The following PLOD1 variants were observed in gnomAD, a reference collection of about 807,000 sequenced individuals.
PLOD1 encodes the protein procollagen-lysine,2-oxoglutarate 5-dioxygenase 1.
In PLOD1, 70 loss-of-function variants were observed where a neutral mutation model predicts 94.7. The ratio of observed to expected loss-of-function variants is 0.74; its 90% CI spans 0.61 to 0.90. The LOEUF is 0.90. Among genes scored for constraint, PLOD1 ranks in the 40% least tolerant of loss-of-function variants. The pLI is 0.00. For missense variants in PLOD1, 905 were observed against 972.7 expected, an observed-to-expected ratio of 0.93 and a Z score of 0.93; for synonymous variants, 417 against 400.2, an observed-to-expected ratio of 1.04 and a Z score of -0.50.
chr1:11,967,552 A>C (rs1645827248), intron 16 of PLOD1, among the ~76,000 whole-genome samples: 1 of 122,086 alleles, frequency 8.2e-6, no homozygotes, highest in Non-Finnish European at 1.7e-5. Flanking sequence ...CTGTCCTGGA[A>C]AGTTCAGGTA....
At chr1:11,943,399 C>A (rs1964840) in intron 1 of PLOD1, among the ~76,000 whole-genome samples, 25 of 151,794 alleles carry the variant, frequency 1.6e-4, no homozygotes, top group African/African-American at 5.8e-4. Flanking sequence ...CGGGTTCAAG[C>A]GATTCTCTTG....
chr1:11,950,816 C>T (rs757962062), intron 4 of PLOD1, among the ~76,000 whole-genome samples: 2 of 152,068 alleles, frequency 1.3e-5, no homozygotes, highest in African/African-American at 2.4e-5. Flanking sequence ...AATTTTGAGA[C>T]GGCATCTCAG....
rs1243703070 is a variant in PLOD1, at chr1:11,957,097, CT to C, written c.741+84del. 1 of 960,574 alleles carries C rather than the reference CT, an allele frequency of 1.0e-6. No homozygotes were observed. Among genetic ancestry groups the C allele is most frequent in the Non-Finnish European group, 1.7e-6 (1 of 583,786 alleles). The allele number at this position is 960,574 out of a possible 1,614,324, so 59.5% of individuals were successfully genotyped here. A position where few individuals can be genotyped will look rare whatever the true frequency, so the allele number is the denominator to read the frequency against. ...CTCACTGTGACCCCACAGTGTCTCC[CT>C]GGGGCCAGGGCCACCTTCCTGGGGC... On this transcript the variant is annotated intron_variant, in intron 7 of 18. Transcript: ENST00000196061. The surrounding 1 kb of genome is among the most constrained non-coding windows in gnomAD (Gnocchi z 4.1).
intron 1 of PLOD1, among the ~76,000 whole-genome samples, chr1:11,940,232 A>G (rs2100734554): frequency 6.6e-6 from 1 of 152,264 alleles, no homozygotes. Context: ...TTTGTTGCAC[A>G]GGTTGGTCTT....
chr1:11,971,210 G>A (rs1427181438), intron 17 of PLOD1, among the ~76,000 whole-genome samples: 1 of 116,328 alleles, frequency 8.6e-6, no homozygotes, highest in African/African-American at 3.4e-5. Flanking sequence ...TGGGGTGGGA[G>A]GGGTAGGGTG....
chr1:11,974,313 G>T (rs1645887013), intron 18 of PLOD1, among the ~76,000 whole-genome samples: 1 of 152,058 alleles, frequency 6.6e-6, no homozygotes, highest in Admixed American at 6.6e-5. Flanking sequence ...TTCCCGAATA[G>T]CTGGGATTAC....
chr1:11,949,686 C>G, intron 2 of PLOD1, 87 bp from the exon 3 acceptor site: 2 of 1,420,898 alleles, frequency 1.4e-6, no homozygotes, highest in Non-Finnish European at 2.0e-6. Flanking sequence ...TCCCAAAGTG[C>G]TGGGATTACC....
rs367592901 is a variant in PLOD1, at chr1:11,960,766, G to A, written c.1096G>A (p.Ala366Thr). The A allele has an allele frequency of 2.2e-5, 36 of 1,612,770 alleles. 1 individual carries two copies. The highest frequency in any genetic ancestry group is 3.6e-4 in the Middle Eastern group (2 of 5,576). Residue 366 changes from alanine (A) to threonine (T), a missense_variant and splice_region_variant, in exon 10 of 19, where the codon GCA becomes ACA. By Grantham distance (58) the Ala-to-Thr change is moderately conservative (BLOSUM62 0). Transcript: ENST00000196061. ...GAATGCAGATGCCAGGAACATGGGC[G>A]CGTGAGTTGTGGGCCACAGTACTCT... ...MANADARNMGADLCRQDRSCT... is the reference protein window; with the variant it reads ...MANADARNMGTDLCRQDRSCT...
chr1:11,957,234 G>T lies in PLOD1; in HGVS notation c.741+220G>T, dbSNP rs369079498. ...TCTGTTCTTGCTGGTCACAGGACAC[G>T]TAGGAGGCTGCCATCCCCTTCCAGG... On this transcript the variant is annotated intron_variant, in intron 7 of 18. Coordinates refer to ENST00000196061, the MANE Select transcript of PLOD1 (RefSeq NM_000302.4). The surrounding 1 kb of genome is among the most constrained non-coding windows in gnomAD (Gnocchi z 4.1). The T allele has an allele frequency of 1.5e-5, 11 of 735,678 alleles. No homozygotes were observed. Among genetic ancestry groups the T allele is most frequent in the South Asian group, 5.4e-5 (4 of 73,404 alleles). 45.6% of individuals were successfully genotyped at this position (735,678 alleles called of 1,614,324 possible).
At chr1:11,956,701 G>C (rs1424906951) in intron 6 of PLOD1, among the ~76,000 whole-genome samples, 1 of 152,098 alleles carries the variant, frequency 6.6e-6, no homozygotes, top group Non-Finnish European at 1.5e-5. Flanking sequence ...GCCAGGCTTG[G>C]TGCCCCACGC....
At chr1:11,960,095 C>G in intron 9 of PLOD1, among the ~76,000 whole-genome samples, 1 of 151,970 alleles carries the variant, frequency 6.6e-6, no homozygotes, top group South Asian at 2.1e-4. Flanking sequence ...CAGCCTCCTC[C>G]CGAGTACCTG....
At chr1:11,952,052 T>C (rs1023423116) in intron 4 of PLOD1, among the ~76,000 whole-genome samples, 3 of 152,218 alleles carry the variant, frequency 2.0e-5, no homozygotes, top group Non-Finnish European at 2.9e-5. Flanking sequence ...ACAGACACTT[T>C]TTTCCACTGG....
chr1:11,944,472 CGCTG>C (rs1351584739), intron 1 of PLOD1: 2 of 1,274,192 alleles, frequency 1.6e-6, no homozygotes, highest in African/African-American at 3.1e-5. Context: ...CATGCTCTCA[CGCTG>C]GCTTTTTCCA....
At chr1:11,937,023 T>G (rs890089927) in intron 1 of PLOD1, among the ~76,000 whole-genome samples, 1 of 151,850 alleles carries the variant, frequency 6.6e-6, no homozygotes, top group Non-Finnish European at 1.5e-5. Context: ...AATGTTTGTA[T>G]TTTTAGTAGA....
intron 6 of PLOD1, 68 bp downstream of exon 6, chr1:11,954,961 G>C (rs775042399): frequency 1.6e-6 from 2 of 1,232,522 alleles, no homozygotes; most frequent in East Asian, 4.6e-5. Flanking sequence ...GGCAGGGCCC[G>C]AGCCCAGGGA....
At position 11,950,496 on chromosome 1, in the gene PLOD1, G is replaced by A. The variant is rs1213644941; in HGVS notation, c.442G>A (p.Gly148Ser). The A allele has an allele frequency of 6.2e-7, 1 of 1,614,114 alleles. No homozygotes were observed. The change falls in exon 4 of 19, where the codon GGC becomes AGC. Residue 148 changes from glycine (G) to serine (S), a missense_variant. By Grantham distance (56) the Gly-to-Ser change is moderately conservative. Coordinates refer to ENST00000196061, the MANE Select transcript of PLOD1 (RefSeq NM_000302.4). ...LETKYPVVSDGKRFLGSGGFI... is the reference protein window; with the variant it reads ...LETKYPVVSDSKRFLGSGGFI... ...GACCAAGTATCCGGTGGTGTCCGAT[G>A]GCAAGAGGTTCCTGGGCTCTGGAGG...
intron 15 of PLOD1, among the ~76,000 whole-genome samples, chr1:11,966,632 C>T (rs1234905676): frequency 6.6e-6 from 1 of 152,124 alleles, no homozygotes; most frequent in Admixed American, 6.5e-5. Flanking sequence ...AGGAGGAAAA[C>T]ATCCTGGATG....
Position 11,950,505 on chromosome 1 carries a change from T to A in PLOD1, c.451T>A (p.Phe151Ile), listed in dbSNP as rs372628401. The change falls in exon 4 of 19, where the codon TTC becomes ATC. Residue 151 changes from phenylalanine to isoleucine, a missense_variant. Phe to Ile is a conservative substitution (Grantham distance 21, BLOSUM62 0). Transcript: ENST00000196061. ...KYPVVSDGKRFLGSGGFIGYA... is the reference protein window; with the variant it reads ...KYPVVSDGKRILGSGGFIGYA... ...TCCGGTGGTGTCCGATGGCAAGAGGTTCCTGGGCTCTGGAGGTGAGAGGCC... is the reference window on the plus strand; with the variant it reads ...TCCGGTGGTGTCCGATGGCAAGAGGATCCTGGGCTCTGGAGGTGAGAGGCC... The A allele has an allele frequency of 6.2e-7, 1 of 1,613,028 alleles. No individual in the cohort carries two copies. Among genetic ancestry groups the A allele is most frequent in the Non-Finnish European group, 8.5e-7 (1 of 1,179,712 alleles).
intron 4 of PLOD1, 90 bp from the exon 5 acceptor site, chr1:11,952,533 G>A: frequency 1.1e-6 from 1 of 889,848 alleles, no homozygotes; most frequent in Non-Finnish European, 1.9e-6. Flanking sequence ...ATGAGTGGAG[G>A]TGGATAAGAG....
Sources: allele counts gnomAD v4.1 joint callset (sites outside exome capture counted in the v4.1 genomes callset), GRCh38; gene constraint gnomAD v4.1.1; non-coding constraint Gnocchi (gnomAD v3.1); transcripts MANE v1.5; gene names NCBI Gene and HGNC (gene_info 2026-07-23, HGNC 2026-07-21).